PAPPA: variants seen among roughly 807,000 people sequenced by gnomAD.
The protein encoded by PAPPA is pappalysin 1.
In PAPPA, 60 loss-of-function variants were observed where a neutral mutation model predicts 164.0. That is an observed-to-expected ratio of 0.37 (90% CI 0.30 to 0.45). The LOEUF is 0.45. Among genes scored for constraint, PAPPA ranks in the 20% least tolerant of loss-of-function variants. PAPPA has a pLI of 1.00. For synonymous variants in PAPPA, 875 were observed against 814.1 expected, an observed-to-expected ratio of 1.07 and a Z score of -1.27; for missense variants, 1,782 against 2,087.3, an observed-to-expected ratio of 0.85 and a Z score of 2.85.
intron 9 of PAPPA, among the ~76,000 whole-genome samples, chr9:116,281,881 G>A (rs1459008768): frequency 1.3e-5 from 2 of 152,176 alleles, no homozygotes; most frequent in African/African-American, 2.4e-5. Context: ...GCTACGGGAA[G>A]GTAGGGGCCA....
chr9:116,183,580 A>G (rs1376959815), intron 1 of PAPPA, among the ~76,000 whole-genome samples: 1 of 152,148 alleles, frequency 6.6e-6, no homozygotes, highest in Non-Finnish European at 1.5e-5. Context: ...TTATGTTCAT[A>G]TAGAAATAAA....
At chr9:116,376,357 C>A (rs568441297) in intron 19 of PAPPA, among the ~76,000 whole-genome samples, 134 of 152,298 alleles carry the variant, frequency 8.8e-4, no homozygotes, top group African/African-American at 3.2e-3. Context: ...ATTCCTAATA[C>A]TATGTTATCT....
At chr9:116,318,115 T>C (rs960110868) in intron 10 of PAPPA, 1 of 152,180 alleles carries the variant, frequency 6.6e-6, no homozygotes, top group Non-Finnish European at 1.5e-5. Context: ...GGCCATTTTT[T>C]TTCCTCCAGT....
chr9:116,190,540 A>AT, intron 2 of PAPPA, among the ~76,000 whole-genome samples: 1 of 152,342 alleles, frequency 6.6e-6, no homozygotes, highest in Non-Finnish European at 1.5e-5. Context: ...GAAGGAGGAT[A>AT]TTTTTTAATC....
chr9:116,159,787 A>G (rs552046939), intron 1 of PAPPA, among the ~76,000 whole-genome samples: 1 of 152,316 alleles, frequency 6.6e-6, no homozygotes, highest in South Asian at 2.1e-4. Context: ...GTCCAGAGAT[A>G]TGGAACTCGG....
chr9:116,362,891 C>T, intron 18 of PAPPA, 152 bp downstream of exon 18: 1 of 713,300 alleles, frequency 1.4e-6, no homozygotes, highest in Non-Finnish European at 2.2e-6. Context: ...ACCATGTCCT[C>T]CCAGAAAGAG....
At chr9:116,236,608 T>C (rs947978005) in intron 7 of PAPPA, among the ~76,000 whole-genome samples, 3 of 150,124 alleles carry the variant, frequency 2.0e-5, no homozygotes, top group Admixed American at 6.6e-5. Context: ...AAAAAAAAAT[T>C]ACTCACTTCT....
At chr9:116,343,087 G>A (rs1217549231) in intron 13 of PAPPA, among the ~76,000 whole-genome samples, 2 of 152,154 alleles carry the variant, frequency 1.3e-5, no homozygotes, top group Non-Finnish European at 2.9e-5. Flanking sequence ...CTCTGGATGG[G>A]CACTTAAACA....
At chr9:116,246,378 A>C (rs1844797141) in intron 7 of PAPPA, among the ~76,000 whole-genome samples, 1 of 152,220 alleles carries the variant, frequency 6.6e-6, no homozygotes, top group African/African-American at 2.4e-5. Flanking sequence ...AATTATATCC[A>C]TCATTTATTG....
At chr9:116,369,900 G>GA (rs1264703082) in intron 19 of PAPPA, among the ~76,000 whole-genome samples, 2 of 152,010 alleles carry the variant, frequency 1.3e-5, no homozygotes, top group Non-Finnish European at 2.9e-5. Context: ...TATCCAGGAG[G>GA]AAAAAAATGT....
chr9:116,173,931 C>T (rs1415321141), intron 1 of PAPPA, among the ~76,000 whole-genome samples: 1 of 151,948 alleles, frequency 6.6e-6, no homozygotes, highest in Middle Eastern at 3.2e-3. Flanking sequence ...GTCAGCTTTC[C>T]CCTGACTAAG....
intron 10 of PAPPA, among the ~76,000 whole-genome samples, chr9:116,309,991 C>T (rs1845695705): frequency 6.6e-6 from 1 of 152,140 alleles, no homozygotes; most frequent in Non-Finnish European, 1.5e-5. Flanking sequence ...GATGAATCAC[C>T]CCACCCATGG....
chr9:116,332,745 C>T (rs948415195), intron 12 of PAPPA: 1 of 300,292 alleles, frequency 3.3e-6, no homozygotes, highest in Non-Finnish European at 6.3e-6. Flanking sequence ...TCCCCACAGA[C>T]CCCAAGAAGG....
At chr9:116,207,874 C>A (rs755357592) in intron 3 of PAPPA, among the ~76,000 whole-genome samples, 1 of 152,176 alleles carries the variant, frequency 6.6e-6, no homozygotes, top group Non-Finnish European at 1.5e-5. Context: ...GCTTATCCAA[C>A]ATCACACGCA....
chr9:116,181,646 G>A (rs1048476004), intron 1 of PAPPA, among the ~76,000 whole-genome samples: 14 of 152,228 alleles, frequency 9.2e-5, no homozygotes, highest in African/African-American at 3.4e-4. Flanking sequence ...CCAAAAGCAT[G>A]GCAGCAAGCT....
intron 10 of PAPPA, among the ~76,000 whole-genome samples, chr9:116,330,554 T>G (rs1845977315): frequency 6.6e-6 from 1 of 152,130 alleles, no homozygotes; most frequent in Admixed American, 6.6e-5. Context: ...TCCTGTTTCT[T>G]TTAATACTGT....
chr9:116,162,732 A>G (rs1393083404), intron 1 of PAPPA, among the ~76,000 whole-genome samples: 1 of 152,190 alleles, frequency 6.6e-6, no homozygotes, highest in African/African-American at 2.4e-5. Context: ...ACGTTAACTC[A>G]TATCAGTATT....
chr9:116,154,057 G>A lies in PAPPA; in HGVS notation c.-116G>A. On this transcript the variant is annotated 5_prime_UTR_variant, in exon 1 of 22. Transcript: ENST00000328252. This position sits in a 1 kb window ranked among gnomAD's most constrained non-coding sequence, Gnocchi z 5.2. Reference sequence around the variant, plus strand: ...GAAAAGAAAAAAGCAAGTGGAAAGGGGGGCTCGCCCAAGAAGGGTGAAGAA... The same window carrying A: ...GAAAAGAAAAAAGCAAGTGGAAAGGAGGGCTCGCCCAAGAAGGGTGAAGAA... 8.7e-7 allele frequency: 1 copy of A among 1,147,968 alleles called. No homozygotes were observed. The highest frequency in any genetic ancestry group is 1.1e-6 in the Non-Finnish European group (1 of 925,190). The allele number at this position is 1,147,968 out of a possible 1,614,324, so 71.1% of individuals were successfully genotyped here. A position where few individuals can be genotyped will look rare whatever the true frequency, so the allele number is the denominator to read the frequency against.
At chr9:116,383,412 CAT>C (rs930800946) in intron 21 of PAPPA, among the ~76,000 whole-genome samples, 1 of 152,208 alleles carries the variant, frequency 6.6e-6, no homozygotes, top group Non-Finnish European at 1.5e-5. Flanking sequence ...AGCAAAGAAT[CAT>C]AGTCAATCAT....
Sources: allele counts gnomAD v4.1 joint callset (sites outside exome capture counted in the v4.1 genomes callset), GRCh38; gene constraint gnomAD v4.1.1; non-coding constraint Gnocchi (gnomAD v3.1); transcripts MANE v1.5; gene names NCBI Gene and HGNC (gene_info 2026-07-23, HGNC 2026-07-21).